Variants in COMMD1 observed in about 807,000 individuals in gnomAD.
COMMD1 encodes COMM domain-containing protein 1.
COMMD1 carries 10 observed loss-of-function variants against 17.2 expected under a neutral mutation model. That is an observed-to-expected ratio of 0.58 (90% CI 0.36 to 0.99). The LOEUF is 0.99. COMMD1 is among the 50% of genes least tolerant of loss of function. The probability of loss-of-function intolerance (pLI) is 0.01; values close to 1 mark genes in which losing one functional copy is unlikely to be tolerated. For missense variants in COMMD1, 270 were observed against 231.8 expected (o/e 1.17, Z -1.07); for synonymous variants, 97 against 91.6 (o/e 1.06, Z -0.34).
intron 1 of COMMD1, among the ~76,000 whole-genome samples, chr2:61,975,100 T>C (rs75866933): frequency 0.016 from 2,455 of 149,506 alleles, 42 homozygotes; most frequent in Non-Finnish European, 0.026. Flanking sequence ...CTTTCATGGC[T>C]CGATAGCTCA....
chr2:62,085,134 C>T (rs1283581408), intron 2 of COMMD1, among the ~76,000 whole-genome samples: 2 of 151,868 alleles, frequency 1.3e-5, no homozygotes, highest in African/African-American at 2.4e-5. Flanking sequence ...AAGGTGGGGA[C>T]GAATTTTAAA....
At chr2:61,977,232 T>C (rs1020187621) in intron 1 of COMMD1, among the ~76,000 whole-genome samples, 1 of 142,368 alleles carries the variant, frequency 7.0e-6, no homozygotes, top group Non-Finnish European at 1.5e-5. Context: ...CTGTAAAAAA[T>C]AAAGTTTGCT....
chr2:61,978,088 G>T (rs1261081943), intron 1 of COMMD1, among the ~76,000 whole-genome samples: 1 of 151,216 alleles, frequency 6.6e-6, no homozygotes, highest in East Asian at 1.9e-4. Context: ...TTGAGGCCAG[G>T]AGTTTGAGAC....
chr2:61,967,851 A>G (rs1671543544), intron 1 of COMMD1, among the ~76,000 whole-genome samples: 1 of 152,194 alleles, frequency 6.6e-6, no homozygotes. Context: ...TAATAATGTT[A>G]AACATTTTGC....
intron 1 of COMMD1, among the ~76,000 whole-genome samples, chr2:61,909,307 T>C (rs986772405): frequency 6.6e-6 from 1 of 152,196 alleles, no homozygotes; most frequent in Non-Finnish European, 1.5e-5. Context: ...ATAAGCATGA[T>C]GCAAGGATGT....
intron 2 of COMMD1, among the ~76,000 whole-genome samples, chr2:62,030,484 C>A (rs1462525967): frequency 6.6e-6 from 1 of 152,170 alleles, no homozygotes; most frequent in Non-Finnish European, 1.5e-5. Context: ...CACTAGTCAA[C>A]AGCACCCCCT....
intron 2 of COMMD1, among the ~76,000 whole-genome samples, chr2:62,083,535 TTCTC>T (rs746006731): frequency 2.4e-4 from 36 of 152,168 alleles, no homozygotes; most frequent in African/African-American, 6.3e-4. Context: ...GTCTCTCTCT[TTCTC>T]TCTCTCTGTC....
intron 1 of COMMD1, among the ~76,000 whole-genome samples, chr2:61,924,822 C>T (rs1412899691): frequency 6.6e-6 from 1 of 152,108 alleles, no homozygotes; most frequent in Non-Finnish European, 1.5e-5. Flanking sequence ...AATGGAGGAG[C>T]AGTGGGTAGA....
intron 2 of COMMD1, among the ~76,000 whole-genome samples, chr2:62,103,972 C>G (rs1376863291): frequency 6.6e-6 from 1 of 152,056 alleles, no homozygotes; most frequent in African/African-American, 2.4e-5. Flanking sequence ...TCCCAAGTAG[C>G]TGGGACTGCA....
intron 1 of COMMD1, 29 bp from the exon 2 acceptor site, chr2:62,000,672 A>AT (rs1558555946): frequency 6.2e-7 from 1 of 1,611,028 alleles, no homozygotes; most frequent in Non-Finnish European, 8.5e-7. Flanking sequence ...TTTAATTCAA[A>AT]TTTTTTGCTT....
At chr2:62,098,315 C>T (rs1211207248) in intron 2 of COMMD1, among the ~76,000 whole-genome samples, 1 of 151,968 alleles carries the variant, frequency 6.6e-6, no homozygotes, top group Non-Finnish European at 1.5e-5. Context: ...TGCGCCACCA[C>T]ACCCAGCTAA....
intron 2 of COMMD1, among the ~76,000 whole-genome samples, chr2:62,042,812 A>G (rs889095123): frequency 2.6e-5 from 4 of 152,202 alleles, no homozygotes; most frequent in Admixed American, 1.3e-4. Context: ...TGCATTTTGT[A>G]TGCTGCCATT....
intron 2 of COMMD1, among the ~76,000 whole-genome samples, chr2:62,019,434 C>G (rs2103852203): frequency 6.6e-6 from 1 of 152,112 alleles, no homozygotes; most frequent in East Asian, 1.9e-4. Flanking sequence ...CTTGGCCTCC[C>G]AAAGTGCTGG....
At chr2:62,031,104 T>G (rs1669897713) in intron 2 of COMMD1, among the ~76,000 whole-genome samples, 1 of 152,190 alleles carries the variant, frequency 6.6e-6, no homozygotes, top group Non-Finnish European at 1.5e-5. Flanking sequence ...GAATTCTCTA[T>G]ATTCTGGCCA....
At chr2:61,917,788 C>T (rs1486126039) in intron 1 of COMMD1, among the ~76,000 whole-genome samples, 2 of 152,228 alleles carry the variant, frequency 1.3e-5, no homozygotes, top group Non-Finnish European at 2.9e-5. Context: ...GCCTTGGCTT[C>T]CCAAAGTGCT....
At chr2:61,936,132 T>G (rs1465151508) in intron 1 of COMMD1, among the ~76,000 whole-genome samples, 1 of 152,140 alleles carries the variant, frequency 6.6e-6, no homozygotes, top group African/African-American at 2.4e-5. Flanking sequence ...TTTTTAAATT[T>G]TAATTTTCAT....
intron 2 of COMMD1, among the ~76,000 whole-genome samples, chr2:62,121,957 A>AATTTTTTGT (rs924542547): frequency 6.6e-6 from 1 of 151,892 alleles, no homozygotes; most frequent in Admixed American, 6.6e-5. Context: ...GTGCCCAGCT[A>AATTTTTTGT]ATTTTTTGTA....
At chr2:62,099,801 T>C (rs1672124373) in intron 2 of COMMD1, among the ~76,000 whole-genome samples, 1 of 152,070 alleles carries the variant, frequency 6.6e-6, no homozygotes, top group Non-Finnish European at 1.5e-5. Context: ...TTAATATTTG[T>C]TGGGGAGTTT....
At chr2:61,997,057 C>CTTTT (rs776532911) in intron 1 of COMMD1, among the ~76,000 whole-genome samples, 3 of 141,748 alleles carry the variant, frequency 2.1e-5, no homozygotes, top group Non-Finnish European at 4.7e-5. Context: ...GTATTTCTTT[C>CTTTT]TTTTTTTTTT....
Sources: gnomAD v4.1 joint callset for allele counts (sites outside exome capture counted in the v4.1 genomes callset) on GRCh38, gnomAD v4.1.1 for gene constraint, MANE v1.5 for transcripts, NCBI Gene and HGNC (gene_info 2026-07-23, HGNC 2026-07-21) for gene names.